The following FBXL20 variants were observed in gnomAD, a reference collection of about 807,000 sequenced individuals.
The protein encoded by FBXL20 is F-box and leucine rich repeat protein 20.
A neutral mutation model predicts 64.0 loss-of-function variants in FBXL20; 11 were observed. The observed-to-expected ratio is 0.17, with a 90% CI of 0.11 to 0.28. The LOEUF is 0.28. Ranked by LOEUF, FBXL20 falls within the 10% of genes least tolerant of loss-of-function variation. FBXL20 has a pLI of 1.00. For synonymous variants in FBXL20, 184 were observed against 189.0 expected, an observed-to-expected ratio of 0.97 and a Z score of 0.22; for missense variants, 303 against 526.2, an observed-to-expected ratio of 0.58 and a Z score of 4.15.
intron 9 of FBXL20, among the ~76,000 whole-genome samples, chr17:39,275,448 A>G (rs1029116425): frequency 1.2e-4 from 19 of 152,002 alleles, no homozygotes; most frequent in African/African-American, 4.3e-4. Context: ...GTCTCACTCT[A>G]TCACCCAGGC....
chr17:39,368,101 A>G (rs2047879184), intron 1 of FBXL20, among the ~76,000 whole-genome samples: 1 of 152,136 alleles, frequency 6.6e-6, no homozygotes, highest in Non-Finnish European at 1.5e-5. Context: ...TAAGAATAGT[A>G]TCCTAGGCCA....
intron 2 of FBXL20, among the ~76,000 whole-genome samples, chr17:39,339,656 AC>A (rs2047562722): frequency 7.9e-6 from 1 of 125,814 alleles, no homozygotes; most frequent in East Asian, 2.1e-4. Context: ...AGTTCACAGA[AC>A]TTTTTTTTTT....
chr17:39,401,131 C>G (rs767252711), intron 1 of FBXL20, among the ~76,000 whole-genome samples: 5 of 152,194 alleles, frequency 3.3e-5, no homozygotes, highest in Admixed American at 6.5e-5. Context: ...GCTAATCCCC[C>G]GCGGGGGCCC....
intron 1 of FBXL20, among the ~76,000 whole-genome samples, chr17:39,351,694 G>T (rs932569435): frequency 2.0e-5 from 3 of 152,074 alleles, no homozygotes; most frequent in Non-Finnish European, 4.4e-5. Flanking sequence ...GAAGTATCAT[G>T]ATATATTTCT....
intron 9 of FBXL20, among the ~76,000 whole-genome samples, chr17:39,278,068 A>G (rs972897265): frequency 6.6e-6 from 1 of 152,126 alleles, no homozygotes; most frequent in Non-Finnish European, 1.5e-5. Flanking sequence ...TTATGTCTAT[A>G]TGTGTGTGTA....
chr17:39,285,995 C>G (rs938450612), intron 6 of FBXL20, among the ~76,000 whole-genome samples: 1 of 152,164 alleles, frequency 6.6e-6, no homozygotes, highest in Non-Finnish European at 1.5e-5. Context: ...TCAAGATAAC[C>G]TTTTGCATAA....
Position 39,289,998 on chromosome 17 carries a change from C to CAAAAAAA in FBXL20, c.399-4432_399-4426dup, listed in dbSNP as rs368530587. ...TGGGCAATAGTGCGAGACTCAGTCT[C>CAAAAAAA]AAAAAAAAAAAAAAAAAAAAAAAAA... On this transcript the variant is annotated intron_variant, in intron 6 of 14. Transcript: ENST00000264658. 4.4e-3 allele frequency among the ~76,000 whole-genome samples: 186 copies of CAAAAAAA among 41,850 alleles called. 21 individuals are homozygous for CAAAAAAA. The highest frequency in any genetic ancestry group is 0.013 in the African/African-American group (177 of 13,376). The allele number at this position is 41,850 out of a possible 152,430, so 27.5% of individuals were successfully genotyped here.
At chr17:39,378,251 G>A (rs188887761) in intron 1 of FBXL20, among the ~76,000 whole-genome samples, 136 of 152,236 alleles carry the variant, frequency 8.9e-4, no homozygotes, top group African/African-American at 3.1e-3. Context: ...ATTTTAAAAT[G>A]ATATGAATGT....
At chr17:39,313,723 C>T (rs1415240200) in intron 2 of FBXL20, among the ~76,000 whole-genome samples, 1 of 152,138 alleles carries the variant, frequency 6.6e-6, no homozygotes, top group East Asian at 1.9e-4. Flanking sequence ...GCAACCTCTA[C>T]CTCCTGGGTT....
chr17:39,384,651 A>T (rs2048059967), intron 1 of FBXL20, among the ~76,000 whole-genome samples: 1 of 152,166 alleles, frequency 6.6e-6, no homozygotes, highest in African/African-American at 2.4e-5. Flanking sequence ...TGTTCATAAA[A>T]TATAGAAATA....
intron 2 of FBXL20, among the ~76,000 whole-genome samples, chr17:39,317,495 G>T (rs2047304383): frequency 6.6e-6 from 1 of 151,968 alleles, no homozygotes; most frequent in African/African-American, 2.4e-5. Flanking sequence ...CTCCCAAAGT[G>T]CTGGGATTAC....
chr17:39,319,693 A>AAAAAAC (rs1567878312), intron 2 of FBXL20, among the ~76,000 whole-genome samples: 1 of 149,568 alleles, frequency 6.7e-6, no homozygotes, highest in African/African-American at 2.5e-5. Flanking sequence ...AAAAAAAAAA[A>AAAAAAC]AAACTATAGC....
At chr17:39,393,252 G>T (rs1421334492) in intron 1 of FBXL20, among the ~76,000 whole-genome samples, 1 of 151,890 alleles carries the variant, frequency 6.6e-6, no homozygotes, top group Non-Finnish European at 1.5e-5. Context: ...TCGCGCCATT[G>T]CACTCCAGCC....
intron 13 of FBXL20, among the ~76,000 whole-genome samples, chr17:39,265,192 T>C (rs1186537824): frequency 2.0e-5 from 3 of 152,192 alleles, no homozygotes; most frequent in African/African-American, 7.2e-5. Context: ...TCTTCAAGCA[T>C]TGATATAGAA....
intron 2 of FBXL20, among the ~76,000 whole-genome samples, chr17:39,334,381 CAT>C (rs887041662): frequency 9.0e-4 from 137 of 152,106 alleles, no homozygotes; most frequent in African/African-American, 3.1e-3. Flanking sequence ...CCTTTGTTCA[CAT>C]GTTTATCTGC....
intron 6 of FBXL20, among the ~76,000 whole-genome samples, chr17:39,286,147 C>A (rs2046986409): frequency 6.6e-6 from 1 of 152,140 alleles, no homozygotes; most frequent in Non-Finnish European, 1.5e-5. Flanking sequence ...TCATGGAAAA[C>A]TTCAAATATA....
chr17:39,375,637 T>C (rs1015964445), intron 1 of FBXL20, among the ~76,000 whole-genome samples: 4 of 152,212 alleles, frequency 2.6e-5, no homozygotes, highest in African/African-American at 7.2e-5. Context: ...AATACTTATA[T>C]GTACCCCACA....
chr17:39,397,311 C>T (rs887635732), intron 1 of FBXL20, among the ~76,000 whole-genome samples: 3 of 152,062 alleles, frequency 2.0e-5, no homozygotes, highest in Non-Finnish European at 2.9e-5. Context: ...AAGGCAGTGA[C>T]GTATAATGAA....
At chr17:39,339,695 G>C (rs1472634631) in intron 2 of FBXL20, among the ~76,000 whole-genome samples, 3 of 151,990 alleles carry the variant, frequency 2.0e-5, no homozygotes, top group Non-Finnish European at 4.4e-5. Flanking sequence ...CACCAGGCTG[G>C]AGTGCAGTGG....
Sources: gnomAD v4.1 joint callset for allele counts (sites outside exome capture counted in the v4.1 genomes callset) on GRCh38, gnomAD v4.1.1 for gene constraint, MANE v1.5 for transcripts, NCBI Gene and HGNC (gene_info 2026-07-23, HGNC 2026-07-21) for gene names.